Variants in TRPM1 observed in about 807,000 individuals in gnomAD.
TRPM1 encodes the protein transient receptor potential cation channel subfamily M member 1.
A neutral mutation model predicts 149.4 loss-of-function variants in TRPM1; 113 were observed. That is an observed-to-expected ratio of 0.76 (90% CI 0.65 to 0.88). TRPM1 has a LOEUF of 0.88. Ranked by LOEUF, TRPM1 falls within the 40% of genes least tolerant of loss-of-function variation. TRPM1 has a pLI of 0.00. For synonymous variants in TRPM1, 741 were observed against 759.5 expected (o/e 0.98, Z 0.40); for missense variants, 1,976 against 2,038.7 (o/e 0.97, Z 0.59).
chr15:31,113,329 GGGAAAGACTT>G (rs1419621501), intron 1 of TRPM1, among the ~76,000 whole-genome samples: 5 of 152,108 alleles, frequency 3.3e-5, no homozygotes, highest in African/African-American at 7.2e-5. Context: ...GCCCCTGACT[GGGAAAGACTT>G]GGAAAGAGCC....
chr15:31,133,448 C>T (rs1257165763), intron 1 of TRPM1, among the ~76,000 whole-genome samples: 1 of 151,998 alleles, frequency 6.6e-6, no homozygotes, highest in Non-Finnish European at 1.5e-5. Flanking sequence ...CTGTAGTCAA[C>T]ACTTTGGGAG....
intron 1 of TRPM1, among the ~76,000 whole-genome samples, chr15:31,084,264 T>A (rs1308441787): frequency 6.6e-6 from 1 of 152,222 alleles, no homozygotes; most frequent in Non-Finnish European, 1.5e-5. Context: ...GTGTTTTACA[T>A]ATAGTTCCAA....
intron 1 of TRPM1, among the ~76,000 whole-genome samples, chr15:31,090,759 G>A (rs1443254876): frequency 6.6e-6 from 1 of 152,100 alleles, no homozygotes; most frequent in African/African-American, 2.4e-5. Context: ...TTTGAAAGTG[G>A]CTCTTTTTTT....
At chr15:31,071,401 G>A (rs894945369) in intron 3 of TRPM1, among the ~76,000 whole-genome samples, 22 of 151,728 alleles carry the variant, frequency 1.4e-4, no homozygotes, top group Admixed American at 2.0e-4. Flanking sequence ...CTAGATGTGC[G>A]AATGCGTGCA....
chr15:31,063,381 A>G lies in TRPM1; in HGVS notation c.791-89T>C, dbSNP rs2034288997. 2.0e-6 allele frequency: 3 copies of G among 1,521,054 alleles called. No homozygotes were observed. In the African/African-American group the frequency reaches 4.1e-5, roughly 21 times the overall value. 94.2% of individuals were successfully genotyped at this position (1,521,054 alleles called of 1,614,324 possible). A position where few individuals can be genotyped will look rare whatever the true frequency, so the allele number is the denominator to read the frequency against. Reference sequence around the variant, plus strand: ...ACTCCTGAAGTATGGGGAAGAGTAAAAACATTACGACTTGGGGGATGTTCT... The same window carrying G: ...ACTCCTGAAGTATGGGGAAGAGTAAGAACATTACGACTTGGGGGATGTTCT... On this transcript the variant is annotated intron_variant, in intron 7 of 27. Coordinates refer to ENST00000256552, the MANE Select transcript of TRPM1 (RefSeq NM_001252024.2).
intron 1 of TRPM1, among the ~76,000 whole-genome samples, chr15:31,108,588 G>A (rs986041344): frequency 1.3e-5 from 2 of 152,184 alleles, no homozygotes; most frequent in African/African-American, 4.8e-5. Context: ...CTGCATCCCG[G>A]GTTCAAGTGA....
At chr15:31,037,936 C>CA in intron 19 of TRPM1, 94 bp from the exon 20 acceptor site, 1 of 1,611,714 alleles carries the variant, frequency 6.2e-7, no homozygotes, top group Non-Finnish European at 8.5e-7. Context: ...AACACAATTC[C>CA]AAAAATACCT....
chr15:31,148,250 G>T (rs2036248143), intron 1 of TRPM1, among the ~76,000 whole-genome samples: 1 of 152,222 alleles, frequency 6.6e-6, no homozygotes, highest in Admixed American at 6.5e-5. Flanking sequence ...GGATCTGAAT[G>T]GTAGGTGCGA....
intron 1 of TRPM1, among the ~76,000 whole-genome samples, chr15:31,112,608 G>C (rs1032577990): frequency 2.0e-5 from 3 of 151,970 alleles, no homozygotes; most frequent in African/African-American, 7.3e-5. Flanking sequence ...TTTTTAATTG[G>C]CTGAGATGAA....
intron 1 of TRPM1, among the ~76,000 whole-genome samples, chr15:31,138,457 T>C (rs1277632860): frequency 6.6e-6 from 1 of 152,236 alleles, no homozygotes; most frequent in Non-Finnish European, 1.5e-5. Flanking sequence ...GGATATCAAA[T>C]TGAGTTCTAG....
At chr15:31,126,552 G>T (rs138750676) in intron 1 of TRPM1, among the ~76,000 whole-genome samples, 3 of 152,224 alleles carry the variant, frequency 2.0e-5, no homozygotes, top group Non-Finnish European at 4.4e-5. Flanking sequence ...GTCCTAGGAG[G>T]TGGTGGCCAG....
chr15:31,033,071 A>G (rs1379195389), intron 21 of TRPM1, 131 bp from the exon 22 acceptor site: 10 of 1,244,384 alleles, frequency 8.0e-6, no homozygotes, highest in Non-Finnish European at 1.2e-5. Context: ...ACGTTTAAAC[A>G]CTCTTCTTCT....
At chr15:31,048,178 A>G (rs1053334067) in intron 13 of TRPM1, among the ~76,000 whole-genome samples, 1 of 152,104 alleles carries the variant, frequency 6.6e-6, no homozygotes, top group African/African-American at 2.4e-5. Flanking sequence ...TTGGAGGATC[A>G]CTTGAACCGG....
intron 1 of TRPM1, among the ~76,000 whole-genome samples, chr15:31,112,467 A>G (rs1035361278): frequency 6.6e-6 from 1 of 152,188 alleles, no homozygotes; most frequent in Non-Finnish European, 1.5e-5. Flanking sequence ...TCTTGAGCAA[A>G]TAACACCCTA....
At chr15:31,132,664 G>T (rs1201382444) in intron 1 of TRPM1, among the ~76,000 whole-genome samples, 1 of 152,166 alleles carries the variant, frequency 6.6e-6, no homozygotes, top group African/African-American at 2.4e-5. Context: ...CCGACAGGGC[G>T]CCAGTGATAT....
intron 3 of TRPM1, among the ~76,000 whole-genome samples, chr15:31,071,975 A>AC (rs1426652803): frequency 4.6e-5 from 4 of 87,524 alleles, no homozygotes; most frequent in East Asian, 7.6e-4. Flanking sequence ...AAAAAAAAAA[A>AC]AAAACATATA....
At chr15:31,057,261 C>T in intron 11 of TRPM1, among the ~76,000 whole-genome samples, 1 of 152,278 alleles carries the variant, frequency 6.6e-6, no homozygotes, top group East Asian at 1.9e-4. Context: ...GAGATGGAGG[C>T]CATTATCCTT....
At position 31,047,247 on chromosome 15, in the gene TRPM1, T is replaced by C. The variant is rs891698336; in HGVS notation, c.1628A>G (p.Asn543Ser). 2.5e-6 allele frequency: 4 copies of C among 1,614,126 alleles called. No homozygotes were observed. Among genetic ancestry groups the C allele is most frequent in the African/African-American group, 1.3e-5 (1 of 75,018 alleles). The part of the protein sequence containing the change: ...HLLVRDVKKS[N>S]LPPDYHISLI... ...GCTGATGTGGTAATCAGGCGGAAGGTTGCTCTGTAAAAGAAGTCTGGTCTC... is the reference window on the plus strand; with the variant it reads ...GCTGATGTGGTAATCAGGCGGAAGGCTGCTCTGTAAAAGAAGTCTGGTCTC... Residue 543 changes from asparagine (N) to serine (S), a missense_variant, in exon 15 of 28, where the codon AAC becomes AGC. Around this residue, in one of 3 missense-constraint regions of TRPM1, gnomAD observed 1,332 missense variants for 1,347.1 expected, o/e 0.99. Transcript: ENST00000256552.
At chr15:31,007,886 G>A (rs1421379153) in intron 27 of TRPM1, among the ~76,000 whole-genome samples, 3 of 152,096 alleles carry the variant, frequency 2.0e-5, no homozygotes, top group Non-Finnish European at 4.4e-5. Context: ...TCTGCATATA[G>A]ATCCCATACG....
Sources: gnomAD v4.1 joint callset for allele counts (sites outside exome capture counted in the v4.1 genomes callset) on GRCh38, gnomAD v4.1.1 for gene constraint, gnomAD v4.1.1 regional missense constraint, MANE v1.5 for transcripts, NCBI Gene and HGNC (gene_info 2026-07-23, HGNC 2026-07-21) for gene names.